The following UBN1 variants were observed in gnomAD, a reference collection of about 807,000 sequenced individuals.
The protein encoded by UBN1 is ubinuclein-1.
In UBN1, 17 loss-of-function variants were observed where a neutral mutation model predicts 108.5. That is an observed-to-expected ratio of 0.16 (90% confidence interval 0.11 to 0.24). The LOEUF (loss-of-function observed/expected upper bound fraction) is 0.24, where lower values mean the gene tolerates loss of function less well. Among genes scored for constraint, UBN1 ranks in the 10% least tolerant of loss-of-function variants. The probability of loss-of-function intolerance (pLI) is 1.00; values close to 1 mark genes in which losing one functional copy is unlikely to be tolerated. For missense variants in UBN1, 1,595 were observed against 1,394.4 expected (o/e 1.14, Z -2.29); for synonymous variants, 726 against 564.2 (o/e 1.29, Z -4.07).
intron 2 of UBN1, among the ~76,000 whole-genome samples, chr16:4,857,693 G>A (rs1054043152): frequency 6.6e-6 from 1 of 152,190 alleles, no homozygotes; most frequent in South Asian, 2.1e-4. Flanking sequence ...ATTGAACGTG[G>A]TTGTGTAGCG....
At chr16:4,869,006 G>A (rs2087475139) in intron 8 of UBN1, 103 bp downstream of exon 8, 4 of 1,124,630 alleles carry the variant, frequency 3.6e-6, no homozygotes, top group African/African-American at 1.6e-5. Flanking sequence ...ACTGCATAAA[G>A]GTGACCACCA....
intron 7 of UBN1, among the ~76,000 whole-genome samples, chr16:4,862,975 G>A (rs955392530): frequency 3.9e-5 from 6 of 152,230 alleles, no homozygotes; most frequent in Non-Finnish European, 7.3e-5. Flanking sequence ...GTTCTGGTTG[G>A]AAAATACAGT....
At chr16:4,862,155 A>C (rs564501593) in intron 7 of UBN1, among the ~76,000 whole-genome samples, 2 of 152,222 alleles carry the variant, frequency 1.3e-5, no homozygotes, top group African/African-American at 4.8e-5. Context: ...CTCTAGTGGC[A>C]GTCATAATCT....
chr16:4,859,663 C>T (rs747473450), intron 5 of UBN1, among the ~76,000 whole-genome samples: 2 of 152,196 alleles, frequency 1.3e-5, no homozygotes, highest in Non-Finnish European at 2.9e-5. Context: ...ACTGTTGTCT[C>T]AGCCCTGGGT....
At chr16:4,867,462 C>T (rs1222062510) in intron 7 of UBN1, among the ~76,000 whole-genome samples, 2 of 152,160 alleles carry the variant, frequency 1.3e-5, no homozygotes, top group African/African-American at 2.4e-5. Flanking sequence ...TTGGTATATA[C>T]GGGGGTCCTG....
At position 4,874,139 on chromosome 16, in the gene UBN1, T is replaced by C. The variant is rs542146675; in HGVS notation, c.1801-72T>C. 10 of 1,488,032 alleles carry C rather than the reference T, an allele frequency of 6.7e-6. No individual in the cohort carries two copies. The African/African-American group carries it at 1.4e-4, about 21-fold the overall frequency. 92.2% of individuals were successfully genotyped at this position (1,488,032 alleles called of 1,614,324 possible). The stretch of plus-strand genomic sequence containing the variant: ...TTTTTTTGACTCGAGTTCACATGTT[T>C]GTATCCTCACAACAGGCCAATGTTG... On this transcript the variant is annotated intron_variant, in intron 14 of 17. Transcript: ENST00000262376.
At chr16:4,869,047 G>C in intron 8 of UBN1, 144 bp downstream of exon 8, 1 of 770,282 alleles carries the variant, frequency 1.3e-6, no homozygotes, top group South Asian at 2.2e-5. Context: ...GATTAACATG[G>C]TTTCATTGTT....
intron 7 of UBN1, among the ~76,000 whole-genome samples, chr16:4,866,673 C>A (rs1001307747): frequency 6.6e-6 from 1 of 152,170 alleles, no homozygotes; most frequent in African/African-American, 2.4e-5. Context: ...CCACCATGCC[C>A]AGCTTTTTTT....
In UBN1 at chr16:4,877,686, A is replaced by G. The variant is rs777932476; in HGVS notation, c.3355+212A>G. 6.3e-6 allele frequency: 8 copies of G among 1,271,376 alleles called. No individual in the cohort carries two copies. Among genetic ancestry groups the G allele is most frequent in the Non-Finnish European group, 7.9e-6 (8 of 1,009,162 alleles). The allele number at this position is 1,271,376 out of a possible 1,614,324, so 78.8% of individuals were successfully genotyped here. ...CTGGTCCCCACTTGGAGCTGCCGCC[A>G]GGTCAGCCTCAGCCTGTGTGATCAC... On this transcript the variant is annotated intron_variant, in intron 17 of 17. Coordinates refer to ENST00000262376, the MANE Select transcript of UBN1 (RefSeq NM_001079514.3). The surrounding 1 kb of genome is among the most constrained non-coding windows in gnomAD (Gnocchi z 4.3).
intron 1 of UBN1, among the ~76,000 whole-genome samples, chr16:4,851,524 A>G (rs1325983597): frequency 6.6e-6 from 1 of 152,108 alleles, no homozygotes; most frequent in Non-Finnish European, 1.5e-5. Flanking sequence ...GCATAAAAGA[A>G]ATGGGAGGAG....
chr16:4,866,583 C>T (rs2087343250), intron 7 of UBN1, among the ~76,000 whole-genome samples: 1 of 152,198 alleles, frequency 6.6e-6, no homozygotes, highest in Admixed American at 6.5e-5. Context: ...CACGATCTTG[C>T]CTTACTGCAA....
At chr16:4,851,301 C>G (rs1463133875) in intron 1 of UBN1, among the ~76,000 whole-genome samples, 1 of 152,200 alleles carries the variant, frequency 6.6e-6, no homozygotes, top group African/African-American at 2.4e-5. Flanking sequence ...AACGTCCCTA[C>G]AAAAAATACA....
Position 4,873,686 on chromosome 16 carries a change from A to G in UBN1, c.1801-525A>G, listed in dbSNP as rs528415812. 2.6e-5 allele frequency among the ~76,000 whole-genome samples: 4 copies of G among 152,308 alleles called. No individual in the cohort carries two copies. In the South Asian group the frequency reaches 8.3e-4, roughly 32 times the overall value. On this transcript the variant is annotated intron_variant, in intron 14 of 17. Coordinates refer to ENST00000262376, the MANE Select transcript of UBN1 (RefSeq NM_001079514.3). ...TGAGCTCCCACAATGTCCCAGACACACTGTATTAAGCACCAGGGATGCAGG... is the reference window on the plus strand; with the variant it reads ...TGAGCTCCCACAATGTCCCAGACACGCTGTATTAAGCACCAGGGATGCAGG...
intron 17 of UBN1, among the ~76,000 whole-genome samples, chr16:4,878,572 C>A (rs886108021): frequency 2.0e-5 from 3 of 152,184 alleles, no homozygotes; most frequent in African/African-American, 4.8e-5. Context: ...ACTAGTGACT[C>A]CTCCTTTCCT....
Position 4,870,517 on chromosome 16 carries a change from G to A in UBN1, c.1313G>A (p.Gly438Glu), listed in dbSNP as rs1263647094. 3 of 1,614,210 alleles carry A rather than the reference G, an allele frequency of 1.9e-6. No individual in the cohort carries two copies. In the Admixed American group the frequency reaches 5.0e-5, roughly 27 times the overall value. ...TGAATTGTGTCCCGCTCTTCGCAGG[G>A]GGGCCGTCTGAAGGAGCCTCTCCAG... Reference protein sequence around the residue: ...RARKLHLYEQGGRLKEPLQKL... With the variant: ...RARKLHLYEQEGRLKEPLQKL... The change falls in exon 10 of 18, where the codon GGG (glycine) becomes GAG (glutamate). Residue 438 changes from glycine (G) to glutamate (E), a missense_variant and splice_region_variant. This residue lies in a region of UBN1 where 1,398 missense variants were observed against 1,194.7 expected (regional missense o/e 1.17). Transcript: ENST00000262376.
chr16:4,854,510 AT>A (rs56951085), intron 2 of UBN1, among the ~76,000 whole-genome samples: 50,194 of 131,300 alleles, frequency 0.38, 9,732 homozygotes, highest in African/African-American at 0.54. Flanking sequence ...CGCCTGGCTA[AT>A]TTTTTTTTTT....
chr16:4,858,209 C>T, intron 3 of UBN1, 133 bp downstream of exon 3: 3 of 716,522 alleles, frequency 4.2e-6, no homozygotes, highest in Non-Finnish European at 7.2e-6. Context: ...AGAAGAGAAG[C>T]AGTTATTAAA....
chr16:4,869,022 A>T, intron 8 of UBN1, 119 bp downstream of exon 8: 2 of 919,486 alleles, frequency 2.2e-6, no homozygotes, highest in Non-Finnish European at 3.2e-6. Flanking sequence ...CACCAAGGAG[A>T]TAAAAGAAGA....
At chr16:4,876,476 T>C (rs2087891071) in intron 15 of UBN1, among the ~76,000 whole-genome samples, 1 of 151,990 alleles carries the variant, frequency 6.6e-6, no homozygotes, top group Admixed American at 6.6e-5. Flanking sequence ...TATACACATA[T>C]AAATATCCAT....
Sources: allele counts gnomAD v4.1 joint callset (sites outside exome capture counted in the v4.1 genomes callset), GRCh38; gene constraint gnomAD v4.1.1; regional missense constraint gnomAD v4.1.1; non-coding constraint Gnocchi (gnomAD v3.1); transcripts MANE v1.5; gene names NCBI Gene and HGNC (gene_info 2026-07-23, HGNC 2026-07-21).